CAMTA1: variants seen among roughly 807,000 people sequenced by gnomAD.
CAMTA1 encodes calmodulin-binding transcription activator 1.
Under a neutral mutation model 170.9 loss-of-function variants are expected in CAMTA1, and 27 were observed. The ratio of observed to expected loss-of-function variants is 0.16; its 90% confidence interval spans 0.12 to 0.22. The LOEUF is 0.22. Ranked by LOEUF, CAMTA1 falls within the 10% of genes least tolerant of loss-of-function variation. The pLI, the probability that CAMTA1 is intolerant of heterozygous loss-of-function variation, is 1.00. For synonymous variants in CAMTA1, 833 were observed against 891.5 expected (o/e 0.93, Z 1.17); for missense variants, 1,619 against 2,217.2 (o/e 0.73, Z 5.42).
rs1438197626 is a variant in CAMTA1 at position 7,435,662 on chromosome 1, AC to A, written c.439-32166del. On this transcript the variant is annotated intron_variant, in intron 5 of 22. Transcript: ENST00000303635. The surrounding 1 kb of genome is among the most constrained non-coding windows in gnomAD (Gnocchi z 4.4). The stretch of plus-strand genomic sequence containing the variant: ...GAAAGAACCAGGCAGCCTCCTTCTG[AC>A]CAGGCAAGGGCTGGCCGCCGTTCTC... 3.9e-5 allele frequency among the ~76,000 whole-genome samples: 6 copies of A among 152,150 alleles called. No individual in the cohort carries two copies. The highest frequency in any genetic ancestry group is 7.2e-5 in the African/African-American group (3 of 41,432).
In CAMTA1 at chr1:7,010,073, C is replaced by T. The variant is rs1293201926; in HGVS notation, c.235-81231C>T. On this transcript the variant is annotated intron_variant, in intron 3 of 22. Coordinates refer to ENST00000303635, the MANE Select transcript of CAMTA1 (RefSeq NM_015215.4). This position sits in a 1 kb window ranked among gnomAD's most constrained non-coding sequence, Gnocchi z 4.4. ...TTGGTTACCAGGCTCAGGCACTTGC[C>T]AGGGGTTGGTTGGTTTGTTTCTTCT... Among the ~76,000 whole-genome samples, 1 of 152,178 alleles carries T rather than the reference C, an allele frequency of 6.6e-6. No individual in the cohort carries two copies. Among genetic ancestry groups the T allele is most frequent in the Non-Finnish European group, 1.5e-5 (1 of 68,028 alleles).
intron 4 of CAMTA1, among the ~76,000 whole-genome samples, chr1:7,112,879 T>TTG (rs1644148801): frequency 6.6e-6 from 1 of 152,226 alleles, no homozygotes; most frequent in Non-Finnish European, 1.5e-5. Flanking sequence ...TCTCACTTCC[T>TTG]TGCGCGGAGG....
At chr1:7,465,693 G>A (rs982483928) in intron 5 of CAMTA1, among the ~76,000 whole-genome samples, 3 of 152,166 alleles carry the variant, frequency 2.0e-5, no homozygotes, top group African/African-American at 7.2e-5. Context: ...GGTGTTAGGA[G>A]GCTTCAGGGG....
chr1:7,640,610 C>A, intron 7 of CAMTA1, 57 bp downstream of exon 7: 1 of 1,604,570 alleles, frequency 6.2e-7, no homozygotes, highest in Non-Finnish European at 8.5e-7. Flanking sequence ...TGGCATCAAC[C>A]AGGCGGGGCC....
chr1:7,428,833 G>A (rs2092007058), intron 5 of CAMTA1, among the ~76,000 whole-genome samples: 1 of 152,024 alleles, frequency 6.6e-6, no homozygotes, highest in South Asian at 2.1e-4. Flanking sequence ...TTGTCTGTGT[G>A]CGTCTGATTC....
intron 3 of CAMTA1, among the ~76,000 whole-genome samples, chr1:6,852,779 T>G (rs1164796062): frequency 2.0e-5 from 3 of 152,234 alleles, no homozygotes; most frequent in African/African-American, 7.2e-5. Flanking sequence ...GCATGATTGA[T>G]CAAATCATTG....
intron 5 of CAMTA1, among the ~76,000 whole-genome samples, chr1:7,376,362 CA>C (rs1432684546): frequency 6.6e-6 from 1 of 152,168 alleles, no homozygotes; most frequent in African/African-American, 2.4e-5. Context: ...TCCTCAGCTG[CA>C]AAAAGGAAGC....
At chr1:6,806,327 T>C (rs1020922641) in intron 1 of CAMTA1, among the ~76,000 whole-genome samples, 2 of 152,218 alleles carry the variant, frequency 1.3e-5, no homozygotes, top group Non-Finnish European at 2.9e-5. Context: ...TTTTCAAGAT[T>C]GTTTTGGCTG....
At chr1:6,813,665 G>C (rs1645446840) in intron 1 of CAMTA1, among the ~76,000 whole-genome samples, 1 of 151,974 alleles carries the variant, frequency 6.6e-6, no homozygotes, top group Non-Finnish European at 1.5e-5. Context: ...CTGTTGTCCA[G>C]GCTGGAGTGC....
chr1:7,732,683 C>T lies in CAMTA1; in HGVS notation c.3066+84C>T. On this transcript the variant is annotated intron_variant, in intron 12 of 22. Coordinates refer to ENST00000303635, the MANE Select transcript of CAMTA1 (RefSeq NM_015215.4). The surrounding 1 kb of genome is among the most constrained non-coding windows in gnomAD (Gnocchi z 4.1). ...GCAGTGGATGGATCACAGGCCTCTT[C>T]TCTGCTGCTGATGCGGTCCCTGTAT... 6.8e-7 allele frequency: 1 copy of T among 1,470,432 alleles called. No individual in the cohort carries two copies. The highest frequency in any genetic ancestry group is 9.0e-7 in the Non-Finnish European group (1 of 1,107,030). The allele number at this position is 1,470,432 out of a possible 1,614,324, so 91.1% of individuals were successfully genotyped here. A position where few individuals can be genotyped will look rare whatever the true frequency, so the allele number is the denominator to read the frequency against.
intron 3 of CAMTA1, among the ~76,000 whole-genome samples, chr1:6,894,471 A>G (rs1251572281): frequency 6.6e-6 from 1 of 152,190 alleles, no homozygotes; most frequent in Non-Finnish European, 1.5e-5. Flanking sequence ...GCTCAAATGT[A>G]TTTTTCCCTT....
intron 3 of CAMTA1, among the ~76,000 whole-genome samples, chr1:6,866,465 T>G (rs1666606522): frequency 6.6e-6 from 1 of 152,190 alleles, no homozygotes; most frequent in Non-Finnish European, 1.5e-5. Context: ...GGAAATAAAA[T>G]CAACAGTCGG....
chr1:7,111,274 C>T (rs1167031501), intron 4 of CAMTA1, among the ~76,000 whole-genome samples: 2 of 152,182 alleles, frequency 1.3e-5, no homozygotes, highest in African/African-American at 2.4e-5. Context: ...TCCCCTTTAC[C>T]ACATAATCTA....
In CAMTA1 at chr1:7,007,138, G is replaced by T. The variant is rs915428844; in HGVS notation, c.235-84166G>T. 1.5e-4 allele frequency among the ~76,000 whole-genome samples: 23 copies of T among 152,136 alleles called. No individual in the cohort carries two copies. Among genetic ancestry groups the T allele is most frequent in the Admixed American group, 5.2e-4 (8 of 15,278 alleles). Reference sequence around the variant, plus strand: ...ATGATGGCTCGTGGTTGTTTGGTGGGCACCATGCTACCTCTGAGAAGAGAG... The same window carrying T: ...ATGATGGCTCGTGGTTGTTTGGTGGTCACCATGCTACCTCTGAGAAGAGAG... On this transcript the variant is annotated intron_variant, in intron 3 of 22. Coordinates refer to ENST00000303635, the MANE Select transcript of CAMTA1 (RefSeq NM_015215.4). This position sits in a 1 kb window ranked among gnomAD's most constrained non-coding sequence, Gnocchi z 4.5.
At chr1:6,872,242 C>G (rs550279756) in intron 3 of CAMTA1, among the ~76,000 whole-genome samples, 1 of 151,354 alleles carries the variant, frequency 6.6e-6, no homozygotes, top group Non-Finnish European at 1.5e-5. Flanking sequence ...ATCACCACCA[C>G]CACCACCACC....
intron 5 of CAMTA1, among the ~76,000 whole-genome samples, chr1:7,292,856 C>T (rs1417276291): frequency 1.3e-5 from 2 of 152,148 alleles, no homozygotes; most frequent in Non-Finnish European, 2.9e-5. Flanking sequence ...TCCCATGCCA[C>T]GTGTTTCCTG....
At chr1:7,499,005 T>C (rs982703558) in intron 6 of CAMTA1, among the ~76,000 whole-genome samples, 1 of 114,238 alleles carries the variant, frequency 8.8e-6, no homozygotes, top group African/African-American at 4.1e-5. Context: ...TATGAGTGTG[T>C]GTGCATGTGT....
At chr1:7,211,690 G>A (rs1658788270) in intron 4 of CAMTA1, among the ~76,000 whole-genome samples, 2 of 152,130 alleles carry the variant, frequency 1.3e-5, no homozygotes, top group African/African-American at 2.4e-5. Flanking sequence ...AATCTCTAAT[G>A]AGCCCCGGCT....
intron 4 of CAMTA1, among the ~76,000 whole-genome samples, chr1:7,215,572 T>C (rs1419615861): frequency 1.3e-5 from 2 of 152,168 alleles, no homozygotes; most frequent in African/African-American, 4.8e-5. Context: ...TTTTGTATAT[T>C]TAGTAGAGAC....
Sources: allele counts gnomAD v4.1 joint callset (sites outside exome capture counted in the v4.1 genomes callset), GRCh38; gene constraint gnomAD v4.1.1; non-coding constraint Gnocchi (gnomAD v3.1); transcripts MANE v1.5; gene names NCBI Gene and HGNC (gene_info 2026-07-23, HGNC 2026-07-21).